Variants in KCNIP4 observed in about 807,000 individuals in gnomAD.
KCNIP4 encodes the protein potassium voltage-gated channel interacting protein 4.
In KCNIP4, 12 loss-of-function variants were observed where a neutral mutation model predicts 34.0. That is an observed-to-expected ratio of 0.35 (90% CI 0.23 to 0.57). KCNIP4 has a LOEUF of 0.57. Ranked by LOEUF, KCNIP4 falls within the 20% of genes least tolerant of loss-of-function variation. The pLI is 0.83. For synonymous variants in KCNIP4, 124 were observed against 102.2 expected, an observed-to-expected ratio of 1.21 and a Z score of -1.29; for missense variants, 238 against 311.7, an observed-to-expected ratio of 0.76 and a Z score of 1.78.
At chr4:21,605,479 CT>C (rs879513888) in intron 1 of KCNIP4, among the ~76,000 whole-genome samples, 1 of 151,956 alleles carries the variant, frequency 6.6e-6, no homozygotes, top group Non-Finnish European at 1.5e-5. Context: ...TTTAATATTC[CT>C]TTTTACAATT....
At chr4:20,779,185 G>A (rs536911053) in intron 3 of KCNIP4, among the ~76,000 whole-genome samples, 3 of 152,272 alleles carry the variant, frequency 2.0e-5, no homozygotes, top group African/African-American at 7.2e-5. Context: ...ATTAAGCACT[G>A]TGGTTTTGAT....
intron 1 of KCNIP4, among the ~76,000 whole-genome samples, chr4:21,536,738 G>A (rs1364272390): frequency 1.3e-5 from 2 of 151,346 alleles, no homozygotes; most frequent in African/African-American, 2.4e-5. Flanking sequence ...CCGAGATCAC[G>A]CCACTGCACT....
intron 1 of KCNIP4, among the ~76,000 whole-genome samples, chr4:20,992,893 C>T (rs190429373): frequency 5.3e-4 from 81 of 151,674 alleles, no homozygotes; most frequent in African/African-American, 1.6e-3. Context: ...CCGGGCGCGG[C>T]GGTGGGCACC....
intron 1 of KCNIP4, among the ~76,000 whole-genome samples, chr4:20,939,860 T>C (rs1210477904): frequency 1.3e-5 from 2 of 152,204 alleles, no homozygotes; most frequent in African/African-American, 4.8e-5. Flanking sequence ...TGTTTTCCAC[T>C]TCATCCAAAG....
chr4:21,866,762 A>ATTTTTTTTTTTTT, intron 1 of KCNIP4, among the ~76,000 whole-genome samples: 1 of 82,726 alleles, frequency 1.2e-5, no homozygotes, highest in Non-Finnish European at 2.1e-5. Context: ...TTCAGCCTGG[A>ATTTTTTTTTTTTT]TTTTTTTTTT....
At chr4:21,025,193 T>C (rs1312913234) in intron 1 of KCNIP4, among the ~76,000 whole-genome samples, 3 of 152,108 alleles carry the variant, frequency 2.0e-5, no homozygotes, top group Non-Finnish European at 4.4e-5. Context: ...TTATGATTTG[T>C]CATTTAGGGT....
intron 3 of KCNIP4, among the ~76,000 whole-genome samples, chr4:20,822,309 A>G (rs1717206735): frequency 6.6e-6 from 1 of 152,206 alleles, no homozygotes; most frequent in African/African-American, 2.4e-5. Flanking sequence ...GCCAACACAC[A>G]TATGGAAACA....
chr4:21,938,632 T>A (rs956213888), intron 1 of KCNIP4, among the ~76,000 whole-genome samples: 2 of 152,162 alleles, frequency 1.3e-5, no homozygotes, highest in African/African-American at 4.8e-5. Flanking sequence ...TTATGATAGA[T>A]TTACTGTGTG....
At chr4:21,858,189 G>C (rs1376580436) in intron 1 of KCNIP4, among the ~76,000 whole-genome samples, 1 of 152,254 alleles carries the variant, frequency 6.6e-6, no homozygotes, top group Non-Finnish European at 1.5e-5. Context: ...GCCAGGTCAA[G>C]AGGGCCCAGT....
intron 1 of KCNIP4, among the ~76,000 whole-genome samples, chr4:21,052,774 G>A (rs1200244859): frequency 1.3e-5 from 2 of 152,132 alleles, no homozygotes; most frequent in Non-Finnish European, 2.9e-5. Context: ...TTGAATCAGA[G>A]TCACATTCAA....
At chr4:21,192,548 G>A (rs536176627) in intron 1 of KCNIP4, among the ~76,000 whole-genome samples, 24 of 152,074 alleles carry the variant, frequency 1.6e-4, no homozygotes, top group African/African-American at 5.8e-4. Flanking sequence ...GTTTTCTCAG[G>A]TTTCTTATTC....
intron 1 of KCNIP4, among the ~76,000 whole-genome samples, chr4:21,249,287 GA>G (rs1335158306): frequency 1.3e-5 from 2 of 151,898 alleles, no homozygotes; most frequent in South Asian, 2.1e-4. Flanking sequence ...AAACTAACAG[GA>G]AAAAAATCCT....
At chr4:21,625,857 G>C (rs946156857) in intron 1 of KCNIP4, among the ~76,000 whole-genome samples, 5 of 152,142 alleles carry the variant, frequency 3.3e-5, no homozygotes, top group African/African-American at 1.2e-4. Flanking sequence ...TATAAAGCTG[G>C]AGTGATCATA....
At chr4:21,933,632 C>T (rs964100189) in intron 1 of KCNIP4, among the ~76,000 whole-genome samples, 1 of 151,908 alleles carries the variant, frequency 6.6e-6, no homozygotes, top group Non-Finnish European at 1.5e-5. Flanking sequence ...ATCTGTAACC[C>T]CAAAGCACAC....
chr4:20,824,217 T>G (rs1359759970), intron 3 of KCNIP4, among the ~76,000 whole-genome samples: 2 of 152,228 alleles, frequency 1.3e-5, no homozygotes, highest in African/African-American at 4.8e-5. Context: ...TGTGTGTGTG[T>G]ATGTGTGTAT....
In KCNIP4 at chr4:21,108,223, C is replaced by G. The variant is rs183677483; in HGVS notation, c.62-225514G>C. On this transcript the variant is annotated intron_variant, in intron 1 of 8. Transcript: ENST00000382152. ...TCCAACTTGGTTCCATTCTCCCCGT[C>G]ACTTTCAGGTACACCAATCAGACGT... Among the ~76,000 whole-genome samples, 1,111 of 149,848 alleles carry G rather than the reference C, an allele frequency of 7.4e-3. 58 individuals are homozygous for G. Among genetic ancestry groups the G allele is most frequent in the Admixed American group, 0.065 (985 of 15,090 alleles).
chr4:21,848,986 C>T (rs1724203387), intron 1 of KCNIP4: 1 of 113,296 alleles, frequency 8.8e-6, no homozygotes, highest in African/African-American at 3.5e-5. Flanking sequence ...GTGTTTTCCT[C>T]TAAAAAATAC....
chr4:20,994,857 G>A (rs1025541722), intron 1 of KCNIP4, among the ~76,000 whole-genome samples: 1 of 152,138 alleles, frequency 6.6e-6, no homozygotes, highest in Non-Finnish European at 1.5e-5. Flanking sequence ...CTGAACATGA[G>A]AAAGCCATAG....
At chr4:21,777,719 T>A (rs977339259) in intron 1 of KCNIP4, among the ~76,000 whole-genome samples, 2 of 152,220 alleles carry the variant, frequency 1.3e-5, no homozygotes, top group African/African-American at 4.8e-5. Flanking sequence ...AAATATATAC[T>A]CAGCAACTCA....
Sources: allele counts gnomAD v4.1 joint callset (sites outside exome capture counted in the v4.1 genomes callset), GRCh38; gene constraint gnomAD v4.1.1; transcripts MANE v1.5; gene names NCBI Gene and HGNC (gene_info 2026-07-23, HGNC 2026-07-21).